The following CSNK1D variants were observed in gnomAD, a reference collection of about 807,000 sequenced individuals.
CSNK1D encodes the protein casein kinase I isoform delta.
Under a neutral mutation model 46.6 loss-of-function variants are expected in CSNK1D, and 16 were observed. The ratio of observed to expected loss-of-function variants is 0.34; its 90% CI spans 0.23 to 0.52. CSNK1D has a LOEUF of 0.52. Ranked by LOEUF, CSNK1D falls within the 20% of genes least tolerant of loss-of-function variation. The probability of loss-of-function intolerance (pLI) is 0.95; values close to 1 mark genes in which losing one functional copy is unlikely to be tolerated. For synonymous variants in CSNK1D, 276 were observed against 228.2 expected (o/e 1.21, Z -1.89); for missense variants, 398 against 578.4 (o/e 0.69, Z 3.20).
rs1450914322 is a variant in CSNK1D at position 82,273,449 on chromosome 17, G to C, written c.-68C>G. 51 of 1,568,010 alleles carry C rather than the reference G, an allele frequency of 3.3e-5. No individual in the cohort carries two copies. The highest frequency in any genetic ancestry group is 1.9e-4 in the Middle Eastern group (1 of 5,218). ...CTGGGTCTGAACTCTGGGAGGCGGC[G>C]CCGCTGCTGCCGCTACTGCGGGTCC... On this transcript the variant is annotated 5_prime_UTR_variant, in exon 1 of 9. Transcript: ENST00000314028. This position sits in a 1 kb window ranked among gnomAD's most constrained non-coding sequence, Gnocchi z 5.1.
Position 82,251,322 on chromosome 17 carries a change from C to A in CSNK1D, c.885+57G>T. On this transcript the variant is annotated intron_variant, in intron 6 of 8. Transcript: ENST00000314028. This position sits in a 1 kb window ranked among gnomAD's most constrained non-coding sequence, Gnocchi z 4.5. ...CAACAAGACGGCCGCCGGCCTCTCA[C>A]TGACAAGCCATCCCCCGCACACCAC... 4 of 1,607,988 alleles carry A rather than the reference C, an allele frequency of 2.5e-6. No individual in the cohort carries two copies. The highest frequency in any genetic ancestry group is 3.4e-6 in the Non-Finnish European group (4 of 1,174,956).
Position 82,242,957 on chromosome 17 carries a change from C to T in CSNK1D, c.*1824G>A, listed in dbSNP as rs745686355. 1.9e-4 allele frequency: 190 copies of T among 985,274 alleles called. No homozygotes were observed. The highest frequency in any genetic ancestry group is 2.1e-4 in the Non-Finnish European group (176 of 829,896). The allele number at this position is 985,274 out of a possible 1,614,324, so 61.0% of individuals were successfully genotyped here. A position where few individuals can be genotyped will look rare whatever the true frequency, so the allele number is the denominator to read the frequency against. ...CACAGATATTTACAAAGCAAGCTTGCGCCACTTCAGGCCACAGCGCGACGT... is the reference window on the plus strand; with the variant it reads ...CACAGATATTTACAAAGCAAGCTTGTGCCACTTCAGGCCACAGCGCGACGT... On this transcript the variant is annotated 3_prime_UTR_variant, in exon 9 of 9. Coordinates refer to ENST00000314028, the MANE Select transcript of CSNK1D (RefSeq NM_001893.6).
At position 82,243,708 on chromosome 17, in the gene CSNK1D, C is replaced by T. The variant is rs1337231918; in HGVS notation, c.*1073G>A. The T allele has an allele frequency of 2.1e-5, 21 of 985,380 alleles. No individual in the cohort carries two copies. Among genetic ancestry groups the T allele is most frequent in the Non-Finnish European group, 2.4e-5 (20 of 829,976 alleles). 61.0% of individuals were successfully genotyped at this position (985,380 alleles called of 1,614,324 possible). A position where few individuals can be genotyped will look rare whatever the true frequency, so the allele number is the denominator to read the frequency against. On this transcript the variant is annotated 3_prime_UTR_variant, in exon 9 of 9. Transcript: ENST00000314028. ...TCTTGGCACGTGGCAAGGACAGCCCCGCTCCTGGTTTTAAGCACAGGCATT... is the reference window on the plus strand; with the variant it reads ...TCTTGGCACGTGGCAAGGACAGCCCTGCTCCTGGTTTTAAGCACAGGCATT...
At chr17:82,239,955 G>T (rs1005036619), downstream of CSNK1D, 1 of 1,226,058 alleles carries the variant, frequency 8.2e-7, no homozygotes, top group Non-Finnish European at 1.0e-6. Flanking sequence ...CTGGGAGCCC[G>T]GTCAGAGGCC....
In CSNK1D at chr17:82,251,338, C is replaced by T. The variant is rs113559048; in HGVS notation, c.885+41G>A. 2.0e-4 allele frequency: 326 copies of T among 1,613,136 alleles called. 1 individual carries two copies. In the African/African-American group the frequency reaches 3.3e-3, roughly 16 times the overall value. ...GGCCTCTCACTGACAAGCCATCCCC[C>T]GCACACCACACTCAGCGAACGTGCT... On this transcript the variant is annotated intron_variant, in intron 6 of 8. Coordinates refer to ENST00000314028, the MANE Select transcript of CSNK1D (RefSeq NM_001893.6). The surrounding 1 kb of genome is among the most constrained non-coding windows in gnomAD (Gnocchi z 4.5).
chr17:82,242,294 G>A (rs185901031), downstream of CSNK1D, among the ~76,000 whole-genome samples: 4 of 152,084 alleles, frequency 2.6e-5, no homozygotes, highest in African/African-American at 4.8e-5. Context: ...CAGCTCAAGC[G>A]ACAGGGGGAT....
chr17:82,241,353 G>A (rs1037467363), downstream of CSNK1D, among the ~76,000 whole-genome samples: 3 of 152,222 alleles, frequency 2.0e-5, no homozygotes, highest in Admixed American at 6.5e-5. Flanking sequence ...TGAAGCTCCC[G>A]GGAGGCGCTG....
chr17:82,272,942 C>T (rs1455119392), intron 1 of CSNK1D: 1 of 158,052 alleles, frequency 6.3e-6, no homozygotes, highest in Non-Finnish European at 1.4e-5. Context: ...GGCCCGCCTC[C>T]CCACGCCCCA....
Position 82,243,829 on chromosome 17 carries a change from C to T in CSNK1D, c.*952G>A. 1.0e-6 allele frequency: 1 copy of T among 985,552 alleles called. No homozygotes were observed. Among genetic ancestry groups the T allele is most frequent in the Non-Finnish European group, 1.2e-6 (1 of 830,016 alleles). 61.1% of individuals were successfully genotyped at this position (985,552 alleles called of 1,614,324 possible). A position where few individuals can be genotyped will look rare whatever the true frequency, so the allele number is the denominator to read the frequency against. Reference sequence around the variant, plus strand: ...AAGGCAACAAACACTACAGTAACCACCTCTCGGTTCACAGTCCTCTCCCAA... The same window carrying T: ...AAGGCAACAAACACTACAGTAACCATCTCTCGGTTCACAGTCCTCTCCCAA... On this transcript the variant is annotated 3_prime_UTR_variant, in exon 9 of 9. Transcript: ENST00000314028.
chr17:82,240,486 G>C (rs1449765651), downstream of CSNK1D, among the ~76,000 whole-genome samples: 1 of 152,184 alleles, frequency 6.6e-6, no homozygotes, highest in Non-Finnish European at 1.5e-5. Flanking sequence ...CTGACCTCAG[G>C]AGTGACCTGG....
intron 8 of CSNK1D, chr17:82,245,652 G>A (rs2050831934): frequency 2.6e-6 from 1 of 387,372 alleles, no homozygotes; most frequent in South Asian, 2.3e-5. Flanking sequence ...CACCCGCCTT[G>A]CCACTCCTGC....
At chr17:82,239,086 C>CCG (rs1443011639), downstream of CSNK1D, 1 of 1,104,162 alleles carries the variant, frequency 9.1e-7, no homozygotes, top group Non-Finnish European at 1.3e-6. Flanking sequence ...TGGGCTCCAG[C>CCG]TGCCGGCCCA....
intron 1 of CSNK1D, among the ~76,000 whole-genome samples, chr17:82,268,956 G>A (rs2051547194): frequency 6.6e-6 from 1 of 151,932 alleles, no homozygotes; most frequent in Non-Finnish European, 1.5e-5. Context: ...AATTAGCCAG[G>A]CATGCTGGTG....
intron 2 of CSNK1D, chr17:82,261,279 T>C (rs1335744066): frequency 2.0e-5 from 3 of 152,610 alleles, no homozygotes; most frequent in Non-Finnish European, 2.9e-5. Context: ...CGCCCAAGTG[T>C]GCTAGTCATC....
rs2050917101 is a variant in CSNK1D, at chr17:82,248,788, G to A, written c.1197+87C>T. On this transcript the variant is annotated intron_variant, in intron 8 of 8. Transcript: ENST00000314028. The surrounding 1 kb of genome is among the most constrained non-coding windows in gnomAD (Gnocchi z 4.1). ...TCAAAAATGGGGGGAAGAAAGGAAA[G>A]AAGAAGCCCTGGAGAAACCACAGCC... The A allele has an allele frequency of 1.3e-6, 2 of 1,542,392 alleles. No homozygotes were observed. Among genetic ancestry groups the A allele is most frequent in the Non-Finnish European group, 1.7e-6 (2 of 1,145,242 alleles).
intron 1 of CSNK1D, among the ~76,000 whole-genome samples, chr17:82,272,510 T>C (rs1464437403): frequency 1.3e-5 from 2 of 152,260 alleles, no homozygotes; most frequent in Non-Finnish European, 2.9e-5. Context: ...GGACACCTCA[T>C]GAGTACAACT....
Position 82,252,904 on chromosome 17 carries a change from C to G in CSNK1D, c.565+112G>C. On this transcript the variant is annotated intron_variant, in intron 4 of 8. Transcript: ENST00000314028. The surrounding 1 kb of genome is among the most constrained non-coding windows in gnomAD (Gnocchi z 4.6). ...GAGCCAGCCTGTCTGCCGCAAAGGT[C>G]TGATGACACGCTTGCAGCCCCAGCT... 3 of 1,023,360 alleles carry G rather than the reference C, an allele frequency of 2.9e-6. No individual in the cohort carries two copies. Among genetic ancestry groups the G allele is most frequent in the Non-Finnish European group, 3.0e-6 (2 of 668,152 alleles). The allele number at this position is 1,023,360 out of a possible 1,614,324, so 63.4% of individuals were successfully genotyped here. A position where few individuals can be genotyped will look rare whatever the true frequency, so the allele number is the denominator to read the frequency against.
chr17:82,243,461 G>A lies in CSNK1D; in HGVS notation c.*1320C>T, dbSNP rs964315092. The stretch of plus-strand genomic sequence containing the variant: ...TGGGAACCTCAGGGCACAGCAGCAT[G>A]GAGCCTGGGGCAGCACCAGCTCACG... On this transcript the variant is annotated 3_prime_UTR_variant, in exon 9 of 9. Coordinates refer to ENST00000314028, the MANE Select transcript of CSNK1D (RefSeq NM_001893.6). 2.0e-6 allele frequency: 2 copies of A among 985,420 alleles called. No individual in the cohort carries two copies. Among genetic ancestry groups the A allele is most frequent in the Non-Finnish European group, 2.4e-6 (2 of 829,978 alleles). 61.0% of individuals were successfully genotyped at this position (985,420 alleles called of 1,614,324 possible).
Position 82,247,437 on chromosome 17 carries a change from T to A in CSNK1D, c.1197+1438A>T, listed in dbSNP as rs1044953896. 8.1e-6 allele frequency: 8 copies of A among 985,344 alleles called. No homozygotes were observed. The African/African-American group carries it at 1.2e-4, about 15-fold the overall frequency. The allele number at this position is 985,344 out of a possible 1,614,324, so 61.0% of individuals were successfully genotyped here. ...TCCCAAACCACTGGACACTTTACTT[T>A]CTTTAAAAGAAACAAAAAGCACTCA... is the stretch of plus-strand genomic sequence containing the variant. On this transcript the variant is annotated intron_variant, in intron 8 of 8. Coordinates refer to ENST00000314028, the MANE Select transcript of CSNK1D (RefSeq NM_001893.6).
Sources: allele counts gnomAD v4.1 joint callset (sites outside exome capture counted in the v4.1 genomes callset), GRCh38; gene constraint gnomAD v4.1.1; non-coding constraint Gnocchi (gnomAD v3.1); transcripts MANE v1.5; gene names NCBI Gene and HGNC (gene_info 2026-07-23, HGNC 2026-07-21).